The following PCSK1 variants were observed in gnomAD, a reference collection of about 807,000 sequenced individuals.
PCSK1 encodes the protein proprotein convertase subtilisin/kexin type 1, also known as neuroendocrine convertase 1.
PCSK1 carries 56 observed loss-of-function variants against 90.6 expected under a neutral mutation model. That is an observed-to-expected ratio of 0.62 (90% CI 0.50 to 0.77). PCSK1 has a LOEUF of 0.77. PCSK1 is among the 30% of genes least tolerant of loss of function. PCSK1 has a pLI of 0.00. For synonymous variants in PCSK1, 348 were observed against 342.4 expected, an observed-to-expected ratio of 1.02 and a Z score of -0.18; for missense variants, 801 against 932.6, an observed-to-expected ratio of 0.86 and a Z score of 1.84.
Position 96,416,104 on chromosome 5 carries a change from G to A in PCSK1, c.638C>T (p.Ala213Val), listed in dbSNP as rs762403860. 1 of 1,610,428 alleles carries A rather than the reference G, an allele frequency of 6.2e-7. No homozygotes were observed. The highest frequency in any genetic ancestry group is 2.2e-5 in the East Asian group (1 of 44,850). ...TNENKHGTRC[A>V]GEIAMQANNH... ...ATTTGCTTGCATGGCAATTTCTCCT[G>A]CACATCTGGTCCCGTGTCTGAGGAT... The change falls in exon 6 of 14, where the codon GCA becomes GTA. Residue 213 changes from alanine to valine, a missense_variant. Transcript: ENST00000311106.
At position 96,408,204 on chromosome 5, in the gene PCSK1, G is replaced by T; in HGVS notation, c.1196+19C>A. On this transcript the variant is annotated intron_variant, in intron 9 of 13. Transcript: ENST00000311106. ...GAATCAGCCTTTGTAAAGGTGATTA[G>T]AAGCTTTCTGGGCCTTACTTTGCTT... The T allele has an allele frequency of 6.3e-7, 1 of 1,577,586 alleles. No individual in the cohort carries two copies. The highest frequency in any genetic ancestry group is 8.7e-7 in the Non-Finnish European group (1 of 1,147,050).
At chr5:96,413,961 T>TA (rs1760858186) in intron 6 of PCSK1, among the ~76,000 whole-genome samples, 1 of 12,618 alleles carries the variant, frequency 7.9e-5, no homozygotes. Context: ...CCACTAAAAA[T>TA]ACAAAAAAAA....
chr5:96,431,120 C>G (rs1184195297), intron 1 of PCSK1, among the ~76,000 whole-genome samples: 1 of 152,158 alleles, frequency 6.6e-6, no homozygotes, highest in East Asian at 1.9e-4. Flanking sequence ...CCCCATAGGT[C>G]ATACATGATT....
intron 9 of PCSK1, among the ~76,000 whole-genome samples, chr5:96,407,339 G>C (rs767065654): frequency 6.6e-6 from 1 of 151,946 alleles, no homozygotes; most frequent in East Asian, 1.9e-4. Flanking sequence ...AGAGCTGAAG[G>C]GTATGAAATA....
At chr5:96,426,179 A>G (rs1761300835) in intron 2 of PCSK1, among the ~76,000 whole-genome samples, 1 of 152,104 alleles carries the variant, frequency 6.6e-6, no homozygotes. Flanking sequence ...TAATTCCCTA[A>G]ATTATTTACA....
In PCSK1 at chr5:96,394,971, C is replaced by T; in HGVS notation, c.1777G>A (p.Gly593Arg). 3.1e-6 allele frequency: 5 copies of T among 1,613,862 alleles called. No homozygotes were observed. The highest frequency in any genetic ancestry group is 4.2e-6 in the Non-Finnish European group (5 of 1,179,750). ...RIVNWKLILH[G>R]TSSQPEHMKQ... ...ATATGCTCTGGCTGAGAAGAGGTCC[C>T]GTGCAAAATCAGCTTCCAGTTCACA... Residue 593 changes from glycine (G) to arginine (R), a missense_variant, in exon 13 of 14, where the codon GGG (glycine) becomes AGG (arginine). Physicochemically the swap from Gly to Arg is moderately radical, Grantham distance 125. Coordinates refer to ENST00000311106, the MANE Select transcript of PCSK1 (RefSeq NM_000439.5).
At chr5:96,418,236 T>C (rs1314832024) in intron 5 of PCSK1, among the ~76,000 whole-genome samples, 1 of 152,252 alleles carries the variant, frequency 6.6e-6, no homozygotes, top group East Asian at 1.9e-4. Context: ...TCATTCTTTA[T>C]AGGCCGCAGC....
chr5:96,427,934 T>A lies in PCSK1; in HGVS notation c.285+1279A>T, dbSNP rs145447015. 1.5e-4 allele frequency among the ~76,000 whole-genome samples: 23 copies of A among 152,290 alleles called. No individual in the cohort carries two copies. In the East Asian group the frequency reaches 4.4e-3, roughly 29 times the overall value. ...AAGACCTCAGTGGACAAGAAACTTC[T>A]GTAATAAGGTCCAGGGCCTCTGATT... On this transcript the variant is annotated intron_variant, in intron 2 of 13. Transcript: ENST00000311106.
chr5:96,397,645 G>C (rs972119420), intron 11 of PCSK1, among the ~76,000 whole-genome samples, 176 bp from the exon 12 acceptor site: 3 of 152,122 alleles, frequency 2.0e-5, no homozygotes, highest in Non-Finnish European at 4.4e-5. Flanking sequence ...TTTATCTATA[G>C]TGCTTAGCAC....
intron 2 of PCSK1, among the ~76,000 whole-genome samples, chr5:96,427,944 T>C (rs1339109876): frequency 6.6e-6 from 1 of 152,046 alleles, no homozygotes; most frequent in Admixed American, 6.6e-5. Flanking sequence ...TGTAATAAGG[T>C]CCAGGGCCTC....
chr5:96,395,284 G>A (rs1227402979), intron 12 of PCSK1, among the ~76,000 whole-genome samples: 12 of 152,070 alleles, frequency 7.9e-5, no homozygotes, highest in Non-Finnish European at 5.9e-5. Context: ...TTTCCATATT[G>A]GATGTGTTCT....
intron 6 of PCSK1, among the ~76,000 whole-genome samples, chr5:96,414,166 G>T (rs1005056059): frequency 1.3e-5 from 2 of 150,800 alleles, no homozygotes; most frequent in Non-Finnish European, 2.9e-5. Context: ...TCCCAGTTCT[G>T]CTCTTACCAG....
chr5:96,399,506 C>A (rs1192631662), intron 10 of PCSK1, among the ~76,000 whole-genome samples: 1 of 152,086 alleles, frequency 6.6e-6, no homozygotes, highest in Non-Finnish European at 1.5e-5. Flanking sequence ...AAGAATCCCT[C>A]ATGGAAGAAA....
intron 2 of PCSK1, 49 bp from the exon 3 acceptor site, chr5:96,425,979 T>G: frequency 2.9e-6 from 3 of 1,027,070 alleles, no homozygotes; most frequent in Non-Finnish European, 4.6e-6. Context: ...TATCTACCTC[T>G]GTATACTTCC....
At chr5:96,404,061 T>C (rs1185093464) in intron 9 of PCSK1, among the ~76,000 whole-genome samples, 1 of 152,222 alleles carries the variant, frequency 6.6e-6, no homozygotes, top group African/African-American at 2.4e-5. Flanking sequence ...TTCTTAGGTA[T>C]ACTCACTACA....
intron 9 of PCSK1, among the ~76,000 whole-genome samples, chr5:96,400,853 C>A (rs193069188): frequency 1.3e-5 from 2 of 150,516 alleles, no homozygotes; most frequent in African/African-American, 2.4e-5. Flanking sequence ...TTTGGGAGGC[C>A]GAGGCGGGCG....
intron 9 of PCSK1, among the ~76,000 whole-genome samples, chr5:96,401,850 T>C (rs1760387677): frequency 6.6e-6 from 1 of 152,196 alleles, no homozygotes; most frequent in African/African-American, 2.4e-5. Context: ...ACAGGGTATA[T>C]ATGCTCAGCA....
intron 3 of PCSK1, 77 bp downstream of exon 3, chr5:96,425,743 A>G: frequency 1.3e-6 from 1 of 775,686 alleles, no homozygotes; most frequent in Non-Finnish European, 2.2e-6. Context: ...AAAAAAAAAA[A>G]TCCATGTTGC....
chr5:96,423,745 A>C (rs1441738561), intron 3 of PCSK1, among the ~76,000 whole-genome samples: 4 of 152,172 alleles, frequency 2.6e-5, no homozygotes, highest in African/African-American at 7.2e-5. Flanking sequence ...TTTATCCCTA[A>C]ATTTCTTTCA....
Sources: gnomAD v4.1 joint callset for allele counts (sites outside exome capture counted in the v4.1 genomes callset) on GRCh38, gnomAD v4.1.1 for gene constraint, MANE v1.5 for transcripts, NCBI Gene and HGNC (gene_info 2026-07-23, HGNC 2026-07-21) for gene names.